Variants in DSTYK observed in about 807,000 individuals in gnomAD.
The protein encoded by DSTYK is dual serine/threonine and tyrosine protein kinase.
In DSTYK, 34 loss-of-function variants were observed where a neutral mutation model predicts 98.7. The observed-to-expected ratio is 0.34, with a 90% confidence interval of 0.26 to 0.46. The LOEUF is 0.46. Ranked by LOEUF, DSTYK falls within the 20% of genes least tolerant of loss-of-function variation. DSTYK has a pLI of 1.00. For synonymous variants in DSTYK, 462 were observed against 457.3 expected (o/e 1.01, Z -0.13); for missense variants, 962 against 1,181.7 (o/e 0.81, Z 2.73).
chr1:205,147,583 T>C lies in DSTYK; in HGVS notation c.2765A>G (p.Asn922Ser). 1 of 1,612,182 alleles carries C rather than the reference T, an allele frequency of 6.2e-7. No individual in the cohort carries two copies. Among genetic ancestry groups the C allele is most frequent in the South Asian group, 1.1e-5 (1 of 91,052 alleles). ...TCAAGTAGAATCATCTAGTCCTCTG[T>C]TTGGCTGCTCAGAATTGGACTTGCA... ...RLCKSNSEQP[N>S]RGLDDST Residue 922 changes from asparagine to serine, a missense_variant, in exon 13 of 13, where the codon AAC (asparagine) becomes AGC (serine). Physicochemically the swap from Asn to Ser is conservative, Grantham distance 46. Around this residue, in one of 4 missense-constraint regions of DSTYK, gnomAD observed 65 missense variants for 63.9 expected, o/e 1.02. Transcript: ENST00000367162.
At position 205,211,356 on chromosome 1, in the gene DSTYK, G is replaced by A; in HGVS notation, c.180C>T (p.Asn60=). The A allele has an allele frequency of 6.2e-7, 1 of 1,612,572 alleles. No individual in the cohort carries two copies. Among genetic ancestry groups the A allele is most frequent in the Non-Finnish European group, 8.5e-7 (1 of 1,179,460 alleles). Residue 60 remains asparagine, a synonymous_variant, in exon 1 of 13, where the codon AAC becomes AAT. Transcript: ENST00000367162. ...CCGTGAGGGAGGAGAGACAAGTGTG[G>A]TTGTGGGAGCACTTGATGTCGCGGA... ...KFFRDIKCSH[N]HTCLSSLTGG...
At chr1:205,194,113 G>A (rs910604898) in intron 1 of DSTYK, among the ~76,000 whole-genome samples, 1 of 152,180 alleles carries the variant, frequency 6.6e-6, no homozygotes, top group African/African-American at 2.4e-5. Context: ...TTTCTACAAA[G>A]CAGTCAATTC....
At chr1:205,198,885 G>A (rs2102471238) in intron 1 of DSTYK, among the ~76,000 whole-genome samples, 1 of 148,670 alleles carries the variant, frequency 6.7e-6, no homozygotes, top group African/African-American at 2.5e-5. Flanking sequence ...AGGCTGGAGT[G>A]TGGTGGCGCG....
At chr1:205,157,130 T>C in intron 10 of DSTYK, 143 bp downstream of exon 10, 1 of 648,960 alleles carries the variant, frequency 1.5e-6, no homozygotes, top group Non-Finnish European at 2.7e-6. Context: ...GTCTTAGGTA[T>C]GTCTTTACTA....
chr1:205,158,081 A>C (rs1657614009), intron 9 of DSTYK, among the ~76,000 whole-genome samples: 1 of 152,194 alleles, frequency 6.6e-6, no homozygotes, highest in Non-Finnish European at 1.5e-5. Flanking sequence ...TTCAAATACC[A>C]AAGTCACTCA....
chr1:205,209,336 C>A (rs1659296017), intron 1 of DSTYK, among the ~76,000 whole-genome samples: 1 of 152,146 alleles, frequency 6.6e-6, no homozygotes, highest in African/African-American at 2.4e-5. Flanking sequence ...GTTATGGGTG[C>A]GGGTGAAAGT....
At position 205,169,532 on chromosome 1, in the gene DSTYK, T is replaced by A. The variant is rs1657990108; in HGVS notation, c.955A>T (p.Asn319Tyr). The change falls in exon 3 of 13, where the codon AAC becomes TAC. Residue 319 changes from asparagine (N) to tyrosine (Y), a missense_variant. Physicochemically the swap from Asn to Tyr is moderately radical, Grantham distance 143 (BLOSUM62 -2). Transcript: ENST00000367162. The surrounding 1 kb of genome is among the most constrained non-coding windows in gnomAD (Gnocchi z 4.0). ...DLGYLSSSHW[N>Y]CGAPGQDTKA... ...GTATCCTGGCCAGGAGCCCCACAGTTCCAGTGACTGCTGCTCAGATAGCCC... is the reference window on the plus strand; with the variant it reads ...GTATCCTGGCCAGGAGCCCCACAGTACCAGTGACTGCTGCTCAGATAGCCC... 6.2e-7 allele frequency: 1 copy of A among 1,614,100 alleles called. No homozygotes were observed. Among genetic ancestry groups the A allele is most frequent in the Non-Finnish European group, 8.5e-7 (1 of 1,180,012 alleles).
Position 205,143,976 on chromosome 1 carries a change from GTCC to G in DSTYK, c.*3579_*3581del, listed in dbSNP as rs1452432721. The G allele has an allele frequency of 1.3e-5, 2 of 152,670 alleles. No individual in the cohort carries two copies. Among genetic ancestry groups the G allele is most frequent in the East Asian group, 1.9e-4 (1 of 5,196 alleles). 9.5% of individuals were successfully genotyped at this position (152,670 alleles called of 1,614,324 possible). A position where few individuals can be genotyped will look rare whatever the true frequency, so the allele number is the denominator to read the frequency against. On this transcript the variant is annotated 3_prime_UTR_variant, in exon 13 of 13. Transcript: ENST00000367162. The stretch of plus-strand genomic sequence containing the variant: ...CTTTGGTCTGGGAACAACCAGCACA[GTCC>G]TCCTGAAGCGCTTGCTCAGTCAATG...
intron 2 of DSTYK, among the ~76,000 whole-genome samples, chr1:205,186,306 C>T (rs1224972885): frequency 6.6e-6 from 1 of 152,170 alleles, no homozygotes; most frequent in Non-Finnish European, 1.5e-5. Flanking sequence ...AGGAAACCAC[C>T]ACTGAAACTG....
intron 2 of DSTYK, among the ~76,000 whole-genome samples, chr1:205,186,589 A>G (rs1658563856): frequency 6.6e-6 from 1 of 152,200 alleles, no homozygotes; most frequent in Non-Finnish European, 1.5e-5. Flanking sequence ...AACCAAGAGC[A>G]AAACTCTGAG....
intron 9 of DSTYK, among the ~76,000 whole-genome samples, chr1:205,159,285 C>T (rs1657646093): frequency 6.6e-6 from 1 of 152,090 alleles, no homozygotes; most frequent in Non-Finnish European, 1.5e-5. Context: ...GACGAAGTCT[C>T]CCTCTATTGC....
chr1:205,163,632 G>T, intron 4 of DSTYK, 91 bp downstream of exon 4: 1 of 1,054,030 alleles, frequency 9.5e-7, no homozygotes. Context: ...AAGCTGAAAG[G>T]GAAATTCTTG....
intron 2 of DSTYK, among the ~76,000 whole-genome samples, chr1:205,172,176 T>C (rs1658084581): frequency 6.6e-6 from 1 of 152,296 alleles, no homozygotes; most frequent in South Asian, 2.1e-4. Flanking sequence ...GGGCTGGTCT[T>C]GAACTGCTGA....
chr1:205,165,148 CA>C (rs1299737946), intron 3 of DSTYK, among the ~76,000 whole-genome samples: 3 of 152,062 alleles, frequency 2.0e-5, no homozygotes, highest in African/African-American at 7.2e-5. Context: ...GGCTGGAGTG[CA>C]GTGGCACGAT....
At chr1:205,176,476 TAAAAAAAA>T (rs61291677) in intron 2 of DSTYK, among the ~76,000 whole-genome samples, 2 of 43,202 alleles carry the variant, frequency 4.6e-5, no homozygotes, top group South Asian at 3.3e-3. Context: ...AACTCCCTCT[TAAAAAAAA>T]AAAAAAAAAA....
intron 11 of DSTYK, among the ~76,000 whole-genome samples, chr1:205,148,716 G>C (rs1657317023): frequency 6.6e-6 from 1 of 152,048 alleles, no homozygotes; most frequent in African/African-American, 2.4e-5. Context: ...TTTAAAGTCA[G>C]GTAGAAGAGT....
At chr1:205,199,796 C>G (rs1003594441) in intron 1 of DSTYK, among the ~76,000 whole-genome samples, 6 of 152,136 alleles carry the variant, frequency 3.9e-5, no homozygotes, top group Admixed American at 3.3e-4. Flanking sequence ...TAAGAAGGAG[C>G]AAATTAACCT....
At chr1:205,183,101 C>G (rs911232005) in intron 2 of DSTYK, among the ~76,000 whole-genome samples, 17 of 148,612 alleles carry the variant, frequency 1.1e-4, no homozygotes, top group Admixed American at 2.7e-4. Context: ...CACACACACA[C>G]AGAGATATAT....
In DSTYK at chr1:205,144,877, G is replaced by C. The variant is rs1316103680; in HGVS notation, c.*2681C>G. The C allele has an allele frequency of 6.6e-6, 1 of 152,176 alleles. No individual in the cohort carries two copies. The highest frequency in any genetic ancestry group is 2.4e-5 in the African/African-American group (1 of 41,454). The allele number at this position is 152,176 out of a possible 1,614,324, so 9.4% of individuals were successfully genotyped here. Reference sequence around the variant, plus strand: ...GTAAACTAAAAAGGGACTCTGGGTAGAGGAAAAAAATCTAACCTCCCATAT... The same window carrying C: ...GTAAACTAAAAAGGGACTCTGGGTACAGGAAAAAAATCTAACCTCCCATAT... On this transcript the variant is annotated 3_prime_UTR_variant, in exon 13 of 13. Transcript: ENST00000367162.
Sources: allele counts gnomAD v4.1 joint callset (sites outside exome capture counted in the v4.1 genomes callset), GRCh38; gene constraint gnomAD v4.1.1; regional missense constraint gnomAD v4.1.1; non-coding constraint Gnocchi (gnomAD v3.1); transcripts MANE v1.5; gene names NCBI Gene and HGNC (gene_info 2026-07-23, HGNC 2026-07-21).